The following PARP6 variants were observed in gnomAD, a reference collection of about 807,000 sequenced individuals.
The protein encoded by PARP6 is protein mono-ADP-ribosyltransferase PARP6.
Under a neutral mutation model 92.0 loss-of-function variants are expected in PARP6, and 27 were observed. That is an observed-to-expected ratio of 0.29 (90% CI 0.22 to 0.40). The LOEUF (loss-of-function observed/expected upper bound fraction) is 0.40, where lower values mean the gene tolerates loss of function less well. PARP6 is among the 10% of genes least tolerant of loss of function. PARP6 has a pLI of 1.00. For missense variants in PARP6, 501 were observed against 784.5 expected (o/e 0.64, Z 4.32); for synonymous variants, 272 against 281.2 (o/e 0.97, Z 0.33).
intron 5 of PARP6, 53 bp from the exon 6 acceptor site, chr15:72,265,526 A>T: frequency 7.3e-7 from 1 of 1,367,458 alleles, no homozygotes; most frequent in East Asian, 2.3e-5. Context: ...GAAAGAAGGG[A>T]ATAGAAACTG....
chr15:72,264,461 C>A, intron 8 of PARP6, 94 bp downstream of exon 8: 1 of 883,520 alleles, frequency 1.1e-6, no homozygotes, highest in Non-Finnish European at 1.8e-6. Context: ...TGGAAGGGGG[C>A]ATTCCATCCA....
At chr15:72,253,336 G>C (rs2084628201) in intron 16 of PARP6, 101 bp downstream of exon 16, 2 of 896,220 alleles carry the variant, frequency 2.2e-6, no homozygotes, top group Non-Finnish European at 3.6e-6. Context: ...TATAACCTTG[G>C]GAAGGATGTT....
chr15:72,253,340 G>A, intron 16 of PARP6, 97 bp downstream of exon 16: 2 of 924,124 alleles, frequency 2.2e-6, no homozygotes, highest in South Asian at 1.4e-5. Flanking sequence ...ACCTTGGGAA[G>A]GATGTTGAAA....
At chr15:72,255,297 G>A (rs1297252099) in intron 14 of PARP6, among the ~76,000 whole-genome samples, 1 of 152,142 alleles carries the variant, frequency 6.6e-6, no homozygotes, top group Non-Finnish European at 1.5e-5. Flanking sequence ...CTGTCACCCA[G>A]CCTGGAGTGC....
intron 16 of PARP6, among the ~76,000 whole-genome samples, chr15:72,252,650 T>G (rs2084527935): frequency 6.6e-6 from 1 of 152,100 alleles, no homozygotes; most frequent in African/African-American, 2.4e-5. Context: ...CATGCCCAGC[T>G]GATTTTGTAT....
intron 16 of PARP6, among the ~76,000 whole-genome samples, chr15:72,252,543 T>C (rs993255586): frequency 6.6e-6 from 1 of 152,082 alleles, no homozygotes; most frequent in African/African-American, 2.4e-5. Flanking sequence ...TGGAGTGTAA[T>C]GGAGCAATCT....
intron 16 of PARP6, among the ~76,000 whole-genome samples, chr15:72,253,217 AT>A: frequency 6.6e-6 from 1 of 151,930 alleles, no homozygotes; most frequent in South Asian, 2.1e-4. Flanking sequence ...ATTAAAAATA[AT>A]TTTTTTGAAA....
At chr15:72,267,397 C>T in intron 3 of PARP6, 78 bp downstream of exon 3, 1 of 1,504,072 alleles carries the variant, frequency 6.6e-7, no homozygotes, top group Non-Finnish European at 9.3e-7. Context: ...GGGAAAATAC[C>T]AAGAAAGGGT....
intron 20 of PARP6, among the ~76,000 whole-genome samples, chr15:72,247,489 T>C (rs1206497700): frequency 1.3e-5 from 2 of 152,132 alleles, no homozygotes; most frequent in Admixed American, 1.3e-4. Flanking sequence ...TTAATTTTAA[T>C]ATAGTCAAAT....
chr15:72,252,237 C>T (rs1011738805), intron 16 of PARP6, among the ~76,000 whole-genome samples: 2 of 152,124 alleles, frequency 1.3e-5, no homozygotes, highest in African/African-American at 2.4e-5. Context: ...AGGAGACAGA[C>T]GTCTCTGGAT....
chr15:72,251,512 A>G (rs202104595), intron 16 of PARP6, among the ~76,000 whole-genome samples: 5 of 136,926 alleles, frequency 3.7e-5, no homozygotes, highest in African/African-American at 1.3e-4. Flanking sequence ...AAAAAAAAAA[A>G]GGGGTGGGAG....
In PARP6 at chr15:72,261,717, C is replaced by A. The variant is rs754967263; in HGVS notation, c.396-10G>T. 1.2e-5 allele frequency: 19 copies of A among 1,612,658 alleles called. No individual in the cohort carries two copies. Among genetic ancestry groups the A allele is most frequent in the Non-Finnish European group, 8.5e-7 (1 of 1,179,386 alleles). On this transcript the variant is annotated splice_polypyrimidine_tract_variant and intron_variant, in intron 8 of 23. Transcript: ENST00000569795. The stretch of plus-strand genomic sequence containing the variant: ...AAACATACCCAGGATCCTGAGGGAT[C>A]AAAAAGAATGAGCTTAGGCAAGATG...
At chr15:72,264,468 T>A (rs2086300256) in intron 8 of PARP6, 87 bp downstream of exon 8, 1 of 1,008,640 alleles carries the variant, frequency 9.9e-7, no homozygotes, top group South Asian at 1.4e-5. Context: ...GGGCATTCCA[T>A]CCAAGGCTCT....
intron 7 of PARP6, among the ~76,000 whole-genome samples, chr15:72,264,862 C>T (rs2086368714): frequency 6.6e-6 from 1 of 152,152 alleles, no homozygotes; most frequent in Non-Finnish European, 1.5e-5. Flanking sequence ...ATCTTGGAAC[C>T]AGAGAAAACA....
At chr15:72,268,992 A>G (rs1485418065) in intron 2 of PARP6, among the ~76,000 whole-genome samples, 1 of 152,192 alleles carries the variant, frequency 6.6e-6, no homozygotes. Context: ...TCATCTGTGA[A>G]ATTATGAAGG....
Position 72,251,196 on chromosome 15 carries a change from T to A in PARP6, c.1308+11A>T. 6.4e-7 allele frequency: 1 copy of A among 1,564,674 alleles called. No homozygotes were observed. The highest frequency in any genetic ancestry group is 8.8e-7 in the Non-Finnish European group (1 of 1,134,870). Reference sequence around the variant, plus strand: ...AAATTTAAAGCATTTAGAGGGAGAATGGTCACTTACCCTGCTGAGAGGTAG... The same window carrying A: ...AAATTTAAAGCATTTAGAGGGAGAAAGGTCACTTACCCTGCTGAGAGGTAG... On this transcript the variant is annotated intron_variant, in intron 17 of 23. Transcript: ENST00000569795.
intron 3 of PARP6, 147 bp downstream of exon 3, chr15:72,267,328 T>G (rs1157285522): frequency 2.7e-5 from 22 of 813,856 alleles, no homozygotes; most frequent in Non-Finnish European, 3.9e-5. Flanking sequence ...ATACTGTTTC[T>G]GTGCCCCTTC....
At position 72,260,511 on chromosome 15, in the gene PARP6, C is replaced by T; in HGVS notation, c.723G>A (p.Val241=). 1 of 1,614,208 alleles carries T rather than the reference C, an allele frequency of 6.2e-7. No individual in the cohort carries two copies. Among genetic ancestry groups the T allele is most frequent in the African/African-American group, 1.3e-5 (1 of 75,058 alleles). ...AGGTCCGTGCTGGGGGAGGGAGGCCCACGTGCTGAGGGCACAGGAGACCTG... is the reference window on the plus strand; with the variant it reads ...AGGTCCGTGCTGGGGGAGGGAGGCCTACGTGCTGAGGGCACAGGAGACCTG... ...PQAGLLCPQH[V]GLPPPARTSP... The change falls in exon 10 of 24, where the codon GTG becomes GTA. Residue 241 remains valine, a synonymous_variant. Transcript: ENST00000569795.
intron 18 of PARP6, chr15:72,250,487 C>G (rs1178672893): frequency 3.0e-6 from 1 of 328,368 alleles, no homozygotes; most frequent in African/African-American, 2.1e-5. Context: ...TACTACCACT[C>G]CCTATAAGTT....
Sources: allele counts gnomAD v4.1 joint callset (sites outside exome capture counted in the v4.1 genomes callset), GRCh38; gene constraint gnomAD v4.1.1; transcripts MANE v1.5; gene names NCBI Gene and HGNC (gene_info 2026-07-23, HGNC 2026-07-21).